Variants in CYP2A13 observed in about 807,000 individuals in gnomAD.
CYP2A13 encodes cytochrome P450 2A13.
CYP2A13 carries 30 observed loss-of-function variants against 39.4 expected under a neutral mutation model. That is an observed-to-expected ratio of 0.76 (90% CI 0.57 to 1.03). The LOEUF (loss-of-function observed/expected upper bound fraction) is 1.03. Among genes scored for constraint, CYP2A13 ranks in the 50% least tolerant of loss-of-function variants. The pLI is 0.00. For synonymous variants in CYP2A13, 269 were observed against 254.7 expected (o/e 1.06, Z -0.54); for missense variants, 731 against 648.4 (o/e 1.13, Z -1.38).
intron 4 of CYP2A13, 25 bp from the exon 5 acceptor site, chr19:41,091,707 T>A: frequency 6.2e-7 from 1 of 1,612,074 alleles, no homozygotes; most frequent in Non-Finnish European, 8.5e-7. Flanking sequence ...GTCCTTCCCT[T>A]CCCATCCTCT....
At position 41,088,478 on chromosome 19, in the gene CYP2A13, G is replaced by A. The variant is rs1345956250; in HGVS notation, c.7G>A (p.Ala3Thr). ML[A>T]SGLLLVTLLA... ...CTATCATCCCACTGCCACCATGCTGGCCTCAGGGCTGCTTCTGGTGACCTT... is the reference window on the plus strand; with the variant it reads ...CTATCATCCCACTGCCACCATGCTGACCTCAGGGCTGCTTCTGGTGACCTT... Residue 3 changes from alanine to threonine, a missense_variant, in exon 1 of 9, where the codon GCC becomes ACC. Physicochemically the swap from Ala to Thr is moderately conservative, Grantham distance 58. Transcript: ENST00000330436. 2 of 1,613,166 alleles carry A rather than the reference G, an allele frequency of 1.2e-6. No homozygotes were observed. The highest frequency in any genetic ancestry group is 3.3e-5 in the Admixed American group (2 of 59,968).
In CYP2A13 at chr19:41,088,970, G is replaced by T. The variant is rs200634776; in HGVS notation, c.222G>T (p.Gly74=). ...RYGPVFTIHL[G]PRRVVVLCGH... is the part of the protein sequence containing the mutation. ...GCCCTGTGTTCACCATTCACTTGGGGCCCCGGCGGGTCGTGGTGCTGTGCG... is the reference window on the plus strand; with the variant it reads ...GCCCTGTGTTCACCATTCACTTGGGTCCCCGGCGGGTCGTGGTGCTGTGCG... The change falls in exon 2 of 9, where the codon GGG becomes GGT. Residue 74 remains glycine (G), a synonymous_variant. Coordinates refer to ENST00000330436, the MANE Select transcript of CYP2A13 (RefSeq NM_000766.5). 13 of 1,613,834 alleles carry T rather than the reference G, an allele frequency of 8.1e-6. No homozygotes were observed. Among genetic ancestry groups the T allele is most frequent in the African/African-American group, 1.3e-5 (1 of 74,874 alleles).
chr19:41,089,137 G>A, intron 2 of CYP2A13, 46 bp downstream of exon 2: 1 of 1,609,134 alleles, frequency 6.2e-7, no homozygotes, highest in South Asian at 1.1e-5. Context: ...TGGATGCAAT[G>A]GTCTCCGTGT....
chr19:41,090,653 C>T, intron 4 of CYP2A13, 89 bp downstream of exon 4: 1 of 1,586,742 alleles, frequency 6.3e-7, no homozygotes, highest in Non-Finnish European at 8.6e-7. Flanking sequence ...ACTCCCACCC[C>T]CCTCCAGACA....
In CYP2A13 at chr19:41,088,581, C is replaced by A; in HGVS notation, c.110C>A (p.Pro37His). The change falls in exon 1 of 9, where the codon CCC (proline) becomes CAC (histidine). Residue 37 changes from proline (P) to histidine (H), a missense_variant. Pro to His is a moderately conservative substitution (Grantham distance 77). Transcript: ENST00000330436. ...RKSRGKLPPGPTPLPFIGNYL... is the reference protein window; with the variant it reads ...RKSRGKLPPGHTPLPFIGNYL... ...AGCAGGGGGAAGCTGCCTCCGGGACCCACCCCATTGCCCTTCATTGGAAAC... is the reference window on the plus strand; with the variant it reads ...AGCAGGGGGAAGCTGCCTCCGGGACACACCCCATTGCCCTTCATTGGAAAC... 6.2e-7 allele frequency: 1 copy of A among 1,613,968 alleles called. No homozygotes were observed.
At position 41,095,045 on chromosome 19, in the gene CYP2A13, C is replaced by T. The variant is rs748438394; in HGVS notation, c.1248C>T (p.Phe416=). 1.2e-6 allele frequency: 2 copies of T among 1,614,138 alleles called. No homozygotes were observed. Among genetic ancestry groups the T allele is most frequent in the Admixed American group, 1.7e-5 (1 of 60,018 alleles). ...CCCGGGACTTCAATCCCCAGCACTT[C>T]CTGGATAAGAAGGGGCAGTTTAAGA... The part of the protein sequence containing the change: ...SNPRDFNPQH[F]LDKKGQFKKS... Residue 416 remains phenylalanine (F), a synonymous_variant, in exon 8 of 9, where the codon TTC becomes TTT. Coordinates refer to ENST00000330436, the MANE Select transcript of CYP2A13 (RefSeq NM_000766.5).
chr19:41,094,269 G>C lies in CYP2A13; in HGVS notation c.998G>C (p.Arg333Thr). 1.2e-6 allele frequency: 2 copies of C among 1,614,114 alleles called. No individual in the cohort carries two copies. The highest frequency in any genetic ancestry group is 1.7e-6 in the Non-Finnish European group (2 of 1,180,000). The change falls in exon 7 of 9, where the codon AGA becomes ACA. Residue 333 changes from arginine (R) to threonine (T), a missense_variant. Transcript: ENST00000330436. Reference sequence around the variant, plus strand: ...GCCAAGGTCCATGAGGAGATTGACAGAGTGATCGGCAAGAACCGGCAGCCC... The same window carrying C: ...GCCAAGGTCCATGAGGAGATTGACACAGTGATCGGCAAGAACCGGCAGCCC... The part of the protein sequence containing the change: ...VEAKVHEEID[R>T]VIGKNRQPKF...
At chr19:41,088,690 G>A (rs373170022) in intron 1 of CYP2A13, 39 bp downstream of exon 1, 8 of 1,592,690 alleles carry the variant, frequency 5.0e-6, no homozygotes, top group Non-Finnish European at 6.8e-6. Flanking sequence ...CGGGGTGGGG[G>A]CTGCCCAGTT....
chr19:41,089,843 TCTCTCTCTCTCTC>T (rs2031135625), intron 2 of CYP2A13, among the ~76,000 whole-genome samples, 191 bp from the exon 3 acceptor site: 1 of 125,456 alleles, frequency 8.0e-6, no homozygotes, highest in Non-Finnish European at 1.8e-5. Flanking sequence ...TCTCTCTCTC[TCTCTCTCTCTCTC>T]TCTCTCTCTC....
At position 41,088,638 on chromosome 19, in the gene CYP2A13, A is replaced by G. The variant is rs761345467; in HGVS notation, c.167A>G (p.Asn56Ser). 2 of 1,613,436 alleles carry G rather than the reference A, an allele frequency of 1.2e-6. No individual in the cohort carries two copies. The highest frequency in any genetic ancestry group is 2.2e-5 in the South Asian group (2 of 91,024). ...YLQLNTEQMY[N>S]SLMKISERYG... is the part of the protein sequence containing the mutation. ...CAGCTGAACACAGAGCAGATGTACAACTCCCTCATGAAGGTGTCCTAAGGC... is the reference window on the plus strand; with the variant it reads ...CAGCTGAACACAGAGCAGATGTACAGCTCCCTCATGAAGGTGTCCTAAGGC... Residue 56 changes from asparagine to serine, a missense_variant, in exon 1 of 9, where the codon AAC becomes AGC. Transcript: ENST00000330436.
chr19:41,092,713 C>T (rs1331764766), intron 5 of CYP2A13, among the ~76,000 whole-genome samples: 1 of 152,160 alleles, frequency 6.6e-6, no homozygotes, highest in African/African-American at 2.4e-5. Context: ...GCAGACACAC[C>T]TCTGTGGACA....
chr19:41,089,809 T>C (rs369553444), intron 2 of CYP2A13, among the ~76,000 whole-genome samples: 11 of 2,438 alleles, frequency 4.5e-3, no homozygotes, highest in East Asian at 0.015. Flanking sequence ...ACCCGGTCTC[T>C]CTCTCTCTCT....
chr19:41,089,214 C>G, intron 2 of CYP2A13, 123 bp downstream of exon 2: 1 of 1,497,292 alleles, frequency 6.7e-7, no homozygotes, highest in South Asian at 1.3e-5. Flanking sequence ...CTGGTCTTCT[C>G]TCCCCATCTC....
Position 41,096,052 on chromosome 19 carries a change from A to G in CYP2A13, c.*111A>G. 3 of 1,420,950 alleles carry G rather than the reference A, an allele frequency of 2.1e-6. No homozygotes were observed. Among genetic ancestry groups the G allele is most frequent in the Middle Eastern group, 2.5e-4 (1 of 4,050 alleles). 88.0% of individuals were successfully genotyped at this position (1,420,950 alleles called of 1,614,324 possible). On this transcript the variant is annotated 3_prime_UTR_variant, in exon 9 of 9. Coordinates refer to ENST00000330436, the MANE Select transcript of CYP2A13 (RefSeq NM_000766.5). Reference sequence around the variant, plus strand: ...AAGAATGGGGGCAGTGGGGGAAGGAAGGGGAGAGGTGGTTAGAGGGAACAG... The same window carrying G: ...AAGAATGGGGGCAGTGGGGGAAGGAGGGGGAGAGGTGGTTAGAGGGAACAG...
chr19:41,089,934 T>C (rs990727176), intron 2 of CYP2A13, 113 bp from the exon 3 acceptor site: 1 of 1,317,864 alleles, frequency 7.6e-7, no homozygotes, highest in Non-Finnish European at 1.0e-6. Flanking sequence ...TGAATCCATC[T>C]CTCTCCCACC....
chr19:41,088,479 C>T lies in CYP2A13; in HGVS notation c.8C>T (p.Ala3Val), dbSNP rs376927456. Residue 3 changes from alanine (A) to valine (V), a missense_variant, in exon 1 of 9, where the codon GCC becomes GTC. Coordinates refer to ENST00000330436, the MANE Select transcript of CYP2A13 (RefSeq NM_000766.5). MLASGLLLVTLLA... is the reference protein window; with the variant it reads MLVSGLLLVTLLA... ...TATCATCCCACTGCCACCATGCTGG[C>T]CTCAGGGCTGCTTCTGGTGACCTTG... 9.3e-6 allele frequency: 15 copies of T among 1,613,470 alleles called. No individual in the cohort carries two copies. The highest frequency in any genetic ancestry group is 2.7e-5 in the African/African-American group (2 of 75,044).
In CYP2A13 at chr19:41,095,097, A is replaced by G; in HGVS notation, c.1300A>G (p.Ile434Val). 8 of 1,613,994 alleles carry G rather than the reference A, an allele frequency of 5.0e-6. No individual in the cohort carries two copies. Among genetic ancestry groups the G allele is most frequent in the South Asian group, 1.1e-5 (1 of 91,068 alleles). Residue 434 changes from isoleucine (I) to valine (V), a missense_variant, in exon 8 of 9, where the codon ATC becomes GTC. By Grantham distance (29) the Ile-to-Val change is conservative. Coordinates refer to ENST00000330436, the MANE Select transcript of CYP2A13 (RefSeq NM_000766.5). ...GAGTGATGCTTTTGTGCCCTTTTCCATCGGTAAGAGACCACTGTTTGCTGC... is the reference window on the plus strand; with the variant it reads ...GAGTGATGCTTTTGTGCCCTTTTCCGTCGGTAAGAGACCACTGTTTGCTGC... ...KKSDAFVPFS[I>V]GKRYCFGEGL...
intron 7 of CYP2A13, 40 bp from the exon 8 acceptor site, chr19:41,094,919 C>A (rs1203183862): frequency 1.2e-6 from 2 of 1,610,884 alleles, no homozygotes; most frequent in Non-Finnish European, 8.5e-7. Flanking sequence ...CCAATCCCCC[C>A]AACCTGCCTC....
intron 7 of CYP2A13, 69 bp from the exon 8 acceptor site, chr19:41,094,890 C>T: frequency 1.3e-6 from 2 of 1,579,902 alleles, no homozygotes; most frequent in Non-Finnish European, 1.7e-6. Flanking sequence ...GTTCCCCCTG[C>T]AGCCCCTGTG....
Sources: allele counts gnomAD v4.1 joint callset (sites outside exome capture counted in the v4.1 genomes callset), GRCh38; gene constraint gnomAD v4.1.1; transcripts MANE v1.5; gene names NCBI Gene and HGNC (gene_info 2026-07-23, HGNC 2026-07-21).